EDARADD: variants seen among roughly 807,000 people sequenced by gnomAD.
EDARADD encodes EDAR associated via death domain, also known as ectodysplasin-A receptor-associated adapter protein.
Under a neutral mutation model 25.6 loss-of-function variants are expected in EDARADD, and 20 were observed. The ratio of observed to expected loss-of-function variants is 0.78; its 90% confidence interval spans 0.55 to 1.14. EDARADD has a LOEUF of 1.14. Among genes scored for constraint, EDARADD ranks in the 50% most tolerant of loss-of-function variants. The pLI is 0.00. For synonymous variants in EDARADD, 86 were observed against 94.4 expected (o/e 0.91, Z 0.52); for missense variants, 225 against 270.1 (o/e 0.83, Z 1.17).
At chr1:236,400,509 C>T (rs778019982) in intron 1 of EDARADD, among the ~76,000 whole-genome samples, 1 of 152,100 alleles carries the variant, frequency 6.6e-6, no homozygotes, top group Non-Finnish European at 1.5e-5. Flanking sequence ...CAGCAGCACC[C>T]CTGCAGCTCT....
At chr1:236,406,843 G>A (rs1382070599) in intron 1 of EDARADD, among the ~76,000 whole-genome samples, 1 of 152,182 alleles carries the variant, frequency 6.6e-6, no homozygotes, top group Non-Finnish European at 1.5e-5. Flanking sequence ...CGAGTGCTGG[G>A]TCTGGGTGTC....
chr1:236,476,960 C>A (rs1571959354), intron 5 of EDARADD, among the ~76,000 whole-genome samples: 2 of 151,428 alleles, frequency 1.3e-5, no homozygotes, highest in African/African-American at 4.8e-5. Context: ...GCACTGCACT[C>A]CAGCCTGGGC....
intron 4 of EDARADD, among the ~76,000 whole-genome samples, chr1:236,445,491 G>A (rs1429821177): frequency 1.3e-5 from 2 of 152,072 alleles, no homozygotes; most frequent in African/African-American, 2.4e-5. Context: ...GACTCCCAAA[G>A]TGCTGGGATT....
intron 3 of EDARADD, among the ~76,000 whole-genome samples, chr1:236,416,216 T>A (rs1479135144): frequency 6.6e-6 from 1 of 152,190 alleles, no homozygotes; most frequent in Non-Finnish European, 1.5e-5. Context: ...CCTCCCAGGG[T>A]GCTGGTGAGA....
intron 1 of EDARADD, among the ~76,000 whole-genome samples, chr1:236,408,104 T>C (rs1417709402): frequency 1.3e-5 from 2 of 152,212 alleles, no homozygotes; most frequent in Admixed American, 1.3e-4. Context: ...CTGCATAGTT[T>C]GTGGTTGTTT....
At position 236,484,138 on chromosome 1, in the gene EDARADD, C is replaced by A. The variant is rs79469181; in HGVS notation, c.*1489C>A. 7.0e-7 allele frequency: 1 copy of A among 1,423,880 alleles called. No individual in the cohort carries two copies. The highest frequency in any genetic ancestry group is 9.9e-7 in the Non-Finnish European group (1 of 1,007,680). 88.2% of individuals were successfully genotyped at this position (1,423,880 alleles called of 1,614,324 possible). A position where few individuals can be genotyped will look rare whatever the true frequency, so the allele number is the denominator to read the frequency against. ...GAGGATGATCTCAGAGTGACCAACC[C>A]AAAGAGGACAGCCTCGGCCGTGAAT... is the stretch of plus-strand genomic sequence containing the variant. On this transcript the variant is annotated 3_prime_UTR_variant, in exon 6 of 6. Transcript: ENST00000334232. This position sits in a 1 kb window ranked among gnomAD's most constrained non-coding sequence, Gnocchi z 4.1.
At chr1:236,447,228 TCTTTCCTTTCTTTCCTTTCTTTC>T (rs1658582695) in intron 4 of EDARADD, among the ~76,000 whole-genome samples, 1 of 124,228 alleles carries the variant, frequency 8.0e-6, no homozygotes, top group Admixed American at 8.1e-5. Context: ...TTCTTTCCTT[TCTTTCCTTTCTTTCCTTTCTTTC>T]CTTTCTTTCT....
At chr1:236,462,378 T>C (rs1210875676) in intron 4 of EDARADD, among the ~76,000 whole-genome samples, 1 of 151,880 alleles carries the variant, frequency 6.6e-6, no homozygotes, top group Non-Finnish European at 1.5e-5. Context: ...TGTGGAACCC[T>C]GGTGTGAGTG....
rs1158977558 is a variant in EDARADD, at chr1:236,395,428, A to C, written c.61+923A>C. 6.9e-7 allele frequency: 1 copy of C among 1,458,030 alleles called. No individual in the cohort carries two copies. The highest frequency in any genetic ancestry group is 1.4e-5 in the African/African-American group (1 of 69,876). 90.3% of individuals were successfully genotyped at this position (1,458,030 alleles called of 1,614,324 possible). ...AAGGGGCTTTGCTAATTGCCAAAGC[A>C]GGAAGTGAGCTCGTGGAAGAAGCGA... is the stretch of plus-strand genomic sequence containing the variant. On this transcript the variant is annotated intron_variant, in intron 1 of 5. Coordinates refer to ENST00000334232, the MANE Select transcript of EDARADD (RefSeq NM_145861.4). The surrounding 1 kb of genome is among the most constrained non-coding windows in gnomAD (Gnocchi z 6.9).
At chr1:236,357,149 T>G (rs1197088033) in intron 3 of EDARADD, among the ~76,000 whole-genome samples, 1 of 152,036 alleles carries the variant, frequency 6.6e-6, no homozygotes, top group East Asian at 1.9e-4. Context: ...CATTAAAACT[T>G]AATCTTTGAG....
intron 4 of EDARADD, among the ~76,000 whole-genome samples, chr1:236,432,840 A>G (rs1759386): frequency 0.49 from 73,840 of 151,760 alleles, 19,069 homozygotes; most frequent in Non-Finnish European, 0.59. Context: ...AGCCGAGATC[A>G]TGCTCAGCTT....
chr1:236,409,086 A>G, intron 1 of EDARADD, 130 bp from the exon 2 acceptor site: 1 of 496,840 alleles, frequency 2.0e-6, no homozygotes, highest in East Asian at 3.4e-5. Flanking sequence ...AAAAAAAAAA[A>G]AGGAGTAAGG....
chr1:236,471,159 C>G (rs906132481), intron 5 of EDARADD, among the ~76,000 whole-genome samples: 2 of 152,156 alleles, frequency 1.3e-5, no homozygotes, highest in African/African-American at 4.8e-5. Context: ...CTGGATCCAC[C>G]CAACCTGTCA....
intron 4 of EDARADD, among the ~76,000 whole-genome samples, chr1:236,466,278 T>A (rs1659183860): frequency 6.6e-6 from 1 of 152,152 alleles, no homozygotes; most frequent in Non-Finnish European, 1.5e-5. Context: ...GAGTAATGAC[T>A]AGTGTCCCTA....
At chr1:236,379,371 AAAAT>A (rs1036986951) in intron 3 of EDARADD, among the ~76,000 whole-genome samples, 2 of 148,942 alleles carry the variant, frequency 1.3e-5, no homozygotes, top group Non-Finnish European at 2.9e-5. Context: ...CTCCATCTCA[AAAAT>A]AAATAAATAA....
At chr1:236,461,675 A>G (rs959971185) in intron 4 of EDARADD, among the ~76,000 whole-genome samples, 2 of 152,194 alleles carry the variant, frequency 1.3e-5, no homozygotes, top group Non-Finnish European at 2.9e-5. Flanking sequence ...TTCTCTGCCT[A>G]TAATTTAGTT....
intron 1 of EDARADD, among the ~76,000 whole-genome samples, chr1:236,396,659 TG>T (rs1452202810): frequency 6.6e-6 from 1 of 151,686 alleles, no homozygotes; most frequent in Non-Finnish European, 1.5e-5. Context: ...TGGCTGGGTT[TG>T]GGGGCGTTTC....
At chr1:236,442,989 T>C (rs1272832451) in intron 4 of EDARADD, among the ~76,000 whole-genome samples, 1 of 152,176 alleles carries the variant, frequency 6.6e-6, no homozygotes, top group Non-Finnish European at 1.5e-5. Context: ...GATTAATCTG[T>C]TCATGGATTA....
intron 3 of EDARADD, among the ~76,000 whole-genome samples, chr1:236,376,090 A>G (rs554324961): frequency 9.2e-5 from 14 of 151,816 alleles, no homozygotes; most frequent in African/African-American, 3.4e-4. Flanking sequence ...ATGCACCACC[A>G]TGCCCAGCTA....
Sources: allele counts gnomAD v4.1 joint callset (sites outside exome capture counted in the v4.1 genomes callset), GRCh38; gene constraint gnomAD v4.1.1; non-coding constraint Gnocchi (gnomAD v3.1); transcripts MANE v1.5; gene names NCBI Gene and HGNC (gene_info 2026-07-23, HGNC 2026-07-21).